SPAG9: variants seen among roughly 807,000 people sequenced by gnomAD.
SPAG9 encodes C-Jun-amino-terminal kinase-interacting protein 4.
Under a neutral mutation model 166.5 loss-of-function variants are expected in SPAG9, and 35 were observed. The observed-to-expected ratio is 0.21, with a 90% CI of 0.16 to 0.28. The LOEUF is 0.28. Among genes scored for constraint, SPAG9 ranks in the 10% least tolerant of loss-of-function variants. The pLI is 1.00. For synonymous variants in SPAG9, 534 were observed against 565.5 expected (o/e 0.94, Z 0.79); for missense variants, 1,235 against 1,603.3 (o/e 0.77, Z 3.92).
At chr17:51,068,766 C>T in intron 2 of SPAG9, among the ~76,000 whole-genome samples, 1 of 152,128 alleles carries the variant, frequency 6.6e-6, no homozygotes, top group East Asian at 1.9e-4. Context: ...CACCAGAAAT[C>T]CTTTAACTTT....
chr17:51,084,987 A>AT (rs1598152549), intron 1 of SPAG9, among the ~76,000 whole-genome samples: 1 of 151,942 alleles, frequency 6.6e-6, no homozygotes, highest in Non-Finnish European at 1.5e-5. Context: ...AGTAGCTAGG[A>AT]TTACAGGCAT....
rs761579232 is a variant in SPAG9, at chr17:50,984,945, A to C, written c.3066T>G (p.Leu1022=). ...CACCCACTCCTCTGTGAAAGATTGC[A>C]AGGGTGCCGTCAGCCAGGGCTACTA... is the stretch of plus-strand genomic sequence containing the variant. The part of the protein sequence containing the change: ...IVLVALADGT[L]AIFHRGVDGQ... The change falls in exon 24 of 30, where the codon CTT becomes CTG. Residue 1022 remains leucine (L), a synonymous_variant. Coordinates refer to ENST00000262013, the MANE Select transcript of SPAG9 (RefSeq NM_001130528.3). The C allele has an allele frequency of 3.1e-6, 5 of 1,614,168 alleles. No individual in the cohort carries two copies. The South Asian group carries it at 5.5e-5, about 18-fold the overall frequency.
At position 50,998,565 on chromosome 17, in the gene SPAG9, G is replaced by C. The variant is rs747543021; in HGVS notation, c.1717C>G (p.Pro573Ala). The C allele has an allele frequency of 1.2e-6, 2 of 1,614,186 alleles. No homozygotes were observed. The highest frequency in any genetic ancestry group is 1.7e-6 in the Non-Finnish European group (2 of 1,180,032). The change falls in exon 15 of 30, where the codon CCT becomes GCT. Residue 573 changes from proline (P) to alanine (A), a missense_variant. Transcript: ENST00000262013. ...GGTGCATTGTACTTCAGATTAACAG[G>C]TGGTTCAGGCTTCTTAGTCGTGTTA... ...SSNTTKKPEP[P>A]VNLKYNAPTS... is the part of the protein sequence containing the mutation.
intron 21 of SPAG9, among the ~76,000 whole-genome samples, chr17:50,987,953 C>A (rs556886204): frequency 6.6e-6 from 1 of 152,186 alleles, no homozygotes; most frequent in African/African-American, 2.4e-5. Context: ...CGGTGGCTCA[C>A]GCCTATAATC....
chr17:51,001,616 G>T, intron 13 of SPAG9, 99 bp downstream of exon 13: 1 of 1,157,270 alleles, frequency 8.6e-7, no homozygotes, highest in Non-Finnish European at 1.2e-6. Context: ...CAGAGAAAGG[G>T]GCTTGGATCT....
At chr17:50,983,699 AT>A (rs1488072896) in intron 24 of SPAG9, among the ~76,000 whole-genome samples, 1 of 151,922 alleles carries the variant, frequency 6.6e-6, no homozygotes, top group East Asian at 1.9e-4. Flanking sequence ...GCATTGTTTC[AT>A]TTTTTTTCTA....
At chr17:51,085,042 G>A (rs1314275858) in intron 1 of SPAG9, among the ~76,000 whole-genome samples, 1 of 151,800 alleles carries the variant, frequency 6.6e-6, no homozygotes, top group Non-Finnish European at 1.5e-5. Flanking sequence ...ATAGAGATGT[G>A]GTTTCACCTT....
At chr17:51,005,698 A>G (rs2045184374) in intron 11 of SPAG9, among the ~76,000 whole-genome samples, 1 of 152,216 alleles carries the variant, frequency 6.6e-6, no homozygotes, top group Admixed American at 6.5e-5. Context: ...TAACAGTACA[A>G]AAATTAGCTG....
chr17:50,989,278 G>A (rs945035556), intron 21 of SPAG9, among the ~76,000 whole-genome samples: 2 of 152,172 alleles, frequency 1.3e-5, no homozygotes, highest in African/African-American at 4.8e-5. Flanking sequence ...TGCTGTACAG[G>A]TTTCTAGCCT....
intron 3 of SPAG9, among the ~76,000 whole-genome samples, chr17:51,050,441 G>A (rs1361144691): frequency 1.3e-5 from 2 of 152,168 alleles, no homozygotes; most frequent in African/African-American, 4.8e-5. Flanking sequence ...AACTTTTCAA[G>A]TTGTCACTAG....
chr17:51,077,017 G>GCTATCTAGCTATCTAGCTAGCTAGCTAT (rs2048003207), intron 2 of SPAG9, among the ~76,000 whole-genome samples: 1 of 47,586 alleles, frequency 2.1e-5, no homozygotes, highest in East Asian at 4.8e-4. Context: ...TAGCTAGCTA[G>GCTATCTAGCTATCTAGCTAGCTAGCTAT]CTATCTAGCT....
chr17:50,997,065 G>A (rs1046864196), intron 15 of SPAG9, among the ~76,000 whole-genome samples: 10 of 152,186 alleles, frequency 6.6e-5, no homozygotes, highest in Admixed American at 3.9e-4. Flanking sequence ...ATTTGAACCC[G>A]GTGGAGGTTG....
rs1245582004 is a variant in SPAG9, at chr17:51,025,278, A to T, written c.784-3913T>A. On this transcript the variant is annotated intron_variant, in intron 6 of 29. Coordinates refer to ENST00000262013, the MANE Select transcript of SPAG9 (RefSeq NM_001130528.3). ...GGCTGCAGTGAGCCAAAATTGTGCC[A>T]CCACACTCCAGTCTGGTGACAGGGT... 2.3e-5 allele frequency among the ~76,000 whole-genome samples: 3 copies of T among 131,046 alleles called. No homozygotes were observed. In the East Asian group the frequency reaches 7.2e-4, roughly 32 times the overall value. The allele number at this position is 131,046 out of a possible 152,430, so 86.0% of individuals were successfully genotyped here. A position where few individuals can be genotyped will look rare whatever the true frequency, so the allele number is the denominator to read the frequency against.
intron 4 of SPAG9, among the ~76,000 whole-genome samples, chr17:51,047,169 A>C (rs1000230681): frequency 5.9e-5 from 9 of 152,256 alleles, no homozygotes; most frequent in Non-Finnish European, 8.8e-5. Flanking sequence ...TGTGCTGCTT[A>C]TATGGATGGC....
In SPAG9 at chr17:51,023,655, C is replaced by T. The variant is rs143206396; in HGVS notation, c.784-2290G>A. On this transcript the variant is annotated intron_variant, in intron 6 of 29. Transcript: ENST00000262013. ...TTTAAGTAAATCGTATTTTTCCAGG[C>T]GTACATGAAATTCTTCTTTTTTTTC... Among the ~76,000 whole-genome samples the T allele has an allele frequency of 6.9e-4, 105 of 152,144 alleles. 1 individual carries two copies. In the East Asian group the frequency reaches 0.014, roughly 20 times the overall value.
In SPAG9 at chr17:50,995,935, G is replaced by C. The variant is rs117950518; in HGVS notation, c.1969-402C>G. 1,245 of 166,214 alleles carry C rather than the reference G, an allele frequency of 7.5e-3. 26 individuals are homozygous for C. The East Asian group carries it at 0.088, about 12-fold the overall frequency. 10.3% of individuals were successfully genotyped at this position (166,214 alleles called of 1,614,324 possible). On this transcript the variant is annotated intron_variant, in intron 16 of 29. Coordinates refer to ENST00000262013, the MANE Select transcript of SPAG9 (RefSeq NM_001130528.3). ...CCACCTTGGCCTCCCAAAGTGTTAG[G>C]ATTATAGGCATGAGTCAATAACAGG...
Position 51,064,807 on chromosome 17 carries a change from C to T in SPAG9, c.425-8325G>A, listed in dbSNP as rs367981380. Among the ~76,000 whole-genome samples, 20 of 152,140 alleles carry T rather than the reference C, an allele frequency of 1.3e-4. No individual in the cohort carries two copies. In the East Asian group the frequency reaches 1.5e-3, roughly 12 times the overall value. On this transcript the variant is annotated intron_variant, in intron 2 of 29. Transcript: ENST00000262013. The stretch of plus-strand genomic sequence containing the variant: ...CAACCTTGAAAATTGTACTAAAAAC[C>T]GCTGAATTGTACACTTCAAAATGGT...
Position 51,120,725 on chromosome 17 carries a change from C to A in SPAG9, c.-69G>T. 7.2e-7 allele frequency: 1 copy of A among 1,388,686 alleles called. No individual in the cohort carries two copies. Among genetic ancestry groups the A allele is most frequent in the South Asian group, 1.4e-5 (1 of 73,660 alleles). 86.0% of individuals were successfully genotyped at this position (1,388,686 alleles called of 1,614,324 possible). A position where few individuals can be genotyped will look rare whatever the true frequency, so the allele number is the denominator to read the frequency against. On this transcript the variant is annotated 5_prime_UTR_variant, in exon 1 of 30. Transcript: ENST00000262013. The surrounding 1 kb of genome is among the most constrained non-coding windows in gnomAD (Gnocchi z 4.7). ...AGGGGCGGCACCTGCCCGCACGGGA[C>A]GGACCCGACTCGGGCTGGGACGGGT...
chr17:50,997,013 A>T (rs1159365977), intron 15 of SPAG9, among the ~76,000 whole-genome samples: 2 of 152,188 alleles, frequency 1.3e-5, no homozygotes, highest in African/African-American at 4.8e-5. Flanking sequence ...GGTAGTGCGG[A>T]CCTATAATCC....
Sources: gnomAD v4.1 joint callset for allele counts (sites outside exome capture counted in the v4.1 genomes callset) on GRCh38, gnomAD v4.1.1 for gene constraint, Gnocchi (gnomAD v3.1) non-coding constraint, MANE v1.5 for transcripts, NCBI Gene and HGNC (gene_info 2026-07-23, HGNC 2026-07-21) for gene names.